The following DNAH8 variants were observed in gnomAD, a reference collection of about 807,000 sequenced individuals.
The protein encoded by DNAH8 is axonemal beta dynein heavy chain 8.
Under a neutral mutation model 562.1 loss-of-function variants are expected in DNAH8, and 382 were observed. The ratio of observed to expected loss-of-function variants is 0.68; its 90% CI spans 0.63 to 0.74. The LOEUF is 0.74. Among genes scored for constraint, DNAH8 ranks in the 30% least tolerant of loss-of-function variants. The pLI, the probability that DNAH8 is intolerant of heterozygous loss-of-function variation, is 0.00. For missense variants in DNAH8, 5,203 were observed against 5,620.4 expected (o/e 0.93, Z 2.37); for synonymous variants, 1,881 against 1,919.4 (o/e 0.98, Z 0.52).
intron 18 of DNAH8, among the ~76,000 whole-genome samples, chr6:38,788,026 T>C (rs569204832): frequency 6.6e-6 from 1 of 152,236 alleles, no homozygotes; most frequent in South Asian, 2.1e-4. Flanking sequence ...TAAATATGAG[T>C]TATAAGATAA....
At chr6:38,988,228 G>A (rs1355143469) in intron 87 of DNAH8, among the ~76,000 whole-genome samples, 1 of 152,132 alleles carries the variant, frequency 6.6e-6, no homozygotes, top group African/African-American at 2.4e-5. Flanking sequence ...TGTTCATGGG[G>A]TATGACCGCT....
chr6:38,744,912 A>G (rs6458068), intron 8 of DNAH8, among the ~76,000 whole-genome samples: 42,611 of 152,026 alleles, frequency 0.28, 7,081 homozygotes, highest in East Asian at 0.73. Context: ...GGAGTCCTTT[A>G]TATAATATGG....
At chr6:39,014,870 G>A (rs1766463387) in intron 91 of DNAH8, among the ~76,000 whole-genome samples, 1 of 152,118 alleles carries the variant, frequency 6.6e-6, no homozygotes, top group South Asian at 2.1e-4. Context: ...CCAAGAGAAG[G>A]CAAGTGAGGG....
chr6:38,784,166 C>A (rs1347560003), intron 17 of DNAH8, among the ~76,000 whole-genome samples: 1 of 152,184 alleles, frequency 6.6e-6, no homozygotes, highest in African/African-American at 2.4e-5. Flanking sequence ...ATCAGGCCAG[C>A]TGTTTCTGGG....
In DNAH8 at chr6:38,899,823, T is replaced by A. The variant is rs763138697; in HGVS notation, c.9111T>A (p.Gly3037=). ...RTSCGNALLV[G]VGGSGKQSLS... ...CGTGTGGAAATGCATTGCTGGTGGG[T>A]GTTGGTGGTTCCGGAAAACAAAGTC... Residue 3037 remains glycine, a synonymous_variant, in exon 62 of 93, where the codon GGT becomes GGA. Coordinates refer to ENST00000327475, the MANE Select transcript of DNAH8 (RefSeq NM_001206927.2). 4.2e-5 allele frequency: 67 copies of A among 1,612,998 alleles called. No individual in the cohort carries two copies. Among genetic ancestry groups the A allele is most frequent in the Non-Finnish European group, 5.7e-5 (67 of 1,179,656 alleles).
rs775111744 is a variant in DNAH8, at chr6:38,873,338, C to T, written c.7582C>T (p.Pro2528Ser). The T allele has an allele frequency of 1.5e-5, 24 of 1,611,566 alleles. No homozygotes were observed. Among genetic ancestry groups the T allele is most frequent in the Non-Finnish European group, 1.9e-5 (22 of 1,179,492 alleles). Reference protein sequence around the residue: ...TYTYMKLNLNPKMQLLECNYI... With the variant: ...TYTYMKLNLNSKMQLLECNYI... ...CACATATATGAAGCTAAATCTCAAT[C>T]CCAAAATGCAGCTCTTGGAGTGCAA... Residue 2528 changes from proline (P) to serine (S), a missense_variant, in exon 52 of 93, where the codon CCC (proline) becomes TCC (serine). Coordinates refer to ENST00000327475, the MANE Select transcript of DNAH8 (RefSeq NM_001206927.2).
rs138868224 is a variant in DNAH8 at position 38,910,200 on chromosome 6, A to G, written c.9740+456A>G. Among the ~76,000 whole-genome samples the G allele has an allele frequency of 7.2e-3, 1,102 of 152,340 alleles. 15 individuals are homozygous for G. The highest frequency in any genetic ancestry group is 0.024 in the African/African-American group (1,015 of 41,582). ...TTAGTCTTACCAATGTTTCTATGCC[A>G]GACAACTATGAAACAAAATATCAAT... On this transcript the variant is annotated intron_variant, in intron 65 of 92. Coordinates refer to ENST00000327475, the MANE Select transcript of DNAH8 (RefSeq NM_001206927.2).
intron 82 of DNAH8, among the ~76,000 whole-genome samples, chr6:38,966,421 C>G (rs1762973557): frequency 6.6e-6 from 1 of 152,146 alleles, no homozygotes; most frequent in South Asian, 2.1e-4. Flanking sequence ...TAAAGAATAG[C>G]ACTAGTTTTT....
chr6:38,748,994 A>T (rs1449844256), intron 8 of DNAH8, among the ~76,000 whole-genome samples: 1 of 152,034 alleles, frequency 6.6e-6, no homozygotes, highest in African/African-American at 2.4e-5. Context: ...TTTTCTCAGC[A>T]TTGACCAGAT....
rs751608819 is a variant in DNAH8 at position 38,815,688 on chromosome 6, C to A, written c.3523+31C>A. 2.6e-6 allele frequency: 4 copies of A among 1,567,018 alleles called. No homozygotes were observed. The South Asian group carries it at 4.6e-5, about 18-fold the overall frequency. ...AATGTAAAATTAGTCAATGATCTTACTGATCCTTTTTGGATTTGATAGCAT... is the reference window on the plus strand; with the variant it reads ...AATGTAAAATTAGTCAATGATCTTAATGATCCTTTTTGGATTTGATAGCAT... On this transcript the variant is annotated intron_variant, in intron 26 of 92. Transcript: ENST00000327475.
chr6:38,944,864 A>T (rs1466229809), intron 79 of DNAH8, among the ~76,000 whole-genome samples: 2 of 152,074 alleles, frequency 1.3e-5, no homozygotes, highest in Non-Finnish European at 2.9e-5. Flanking sequence ...AAACCCATAG[A>T]TCTATTATAT....
chr6:38,974,086 A>T (rs1237582636), intron 84 of DNAH8, among the ~76,000 whole-genome samples: 1 of 152,128 alleles, frequency 6.6e-6, no homozygotes, highest in Non-Finnish European at 1.5e-5. Flanking sequence ...CTTTGCCCCC[A>T]CTTTATGTAC....
At position 38,737,829 on chromosome 6, in the gene DNAH8, G is replaced by T; in HGVS notation, c.973G>T (p.Gly325Ter). The T allele has an allele frequency of 6.5e-7, 1 of 1,547,408 alleles. No individual in the cohort carries two copies. The highest frequency in any genetic ancestry group is 1.3e-5 in the South Asian group (1 of 79,736). Residue 325 changes from glycine (G) to a stop codon, truncating the protein, a stop_gained, in exon 7 of 93, where the codon GGA becomes TGA. Transcript: ENST00000327475. LOFTEE classifies it high-confidence loss of function. Reference sequence around the variant, plus strand: ...TTTAGGTGCTAGAATAAGTATTGAGGGAACAGTGAAGTTAAAGACAATAGA... The same window carrying T: ...TTTAGGTGCTAGAATAAGTATTGAGTGAACAGTGAAGTTAAAGACAATAGA... ...FLDGARISIE[G>*]TVKLKTIDNV...
chr6:38,724,751 A>G (rs1359040364), intron 3 of DNAH8, among the ~76,000 whole-genome samples: 2 of 152,300 alleles, frequency 1.3e-5, no homozygotes, highest in East Asian at 3.9e-4. Flanking sequence ...CAATAAAACT[A>G]CCACTAGGTT....
chr6:38,933,727 A>G (rs1782736528), intron 76 of DNAH8, among the ~76,000 whole-genome samples: 1 of 152,200 alleles, frequency 6.6e-6, no homozygotes. Context: ...TGTAAGTACA[A>G]TGGCAATAAC....
At chr6:38,755,641 A>C (rs910069093) in intron 9 of DNAH8, among the ~76,000 whole-genome samples, 3 of 152,198 alleles carry the variant, frequency 2.0e-5, no homozygotes, top group Non-Finnish European at 4.4e-5. Flanking sequence ...ATGAACTATT[A>C]ACCTTAAAAT....
chr6:38,863,696 A>C (rs1776817556), intron 44 of DNAH8, among the ~76,000 whole-genome samples, 177 bp from the exon 45 acceptor site: 1 of 152,248 alleles, frequency 6.6e-6, no homozygotes, highest in South Asian at 2.1e-4. Flanking sequence ...AAAATATACA[A>C]ATAATTAAAC....
Position 38,898,356 on chromosome 6 carries a change from A to C in DNAH8, c.9039A>C (p.Lys3013Asn). Reference protein sequence around the residue: ...RGTSLDLVFFKDAMTHLIKIS... With the variant: ...RGTSLDLVFFNDAMTHLIKIS... ...CATCTCTTGATCTGGTGTTTTTTAA[A>C]GATGCAATGACTCATCTTATTAAGG... The change falls in exon 61 of 93, where the codon AAA becomes AAC. Residue 3013 changes from lysine to asparagine, a missense_variant. Transcript: ENST00000327475. 1 of 1,584,766 alleles carries C rather than the reference A, an allele frequency of 6.3e-7. No individual in the cohort carries two copies. The highest frequency in any genetic ancestry group is 1.2e-5 in the South Asian group (1 of 83,324).
chr6:38,879,479 A>G (rs1778294752), intron 53 of DNAH8, among the ~76,000 whole-genome samples: 1 of 152,232 alleles, frequency 6.6e-6, no homozygotes, highest in Non-Finnish European at 1.5e-5. Flanking sequence ...AAAACTAAGC[A>G]AGCCATAAAC....
Sources: gnomAD v4.1 joint callset for allele counts (sites outside exome capture counted in the v4.1 genomes callset) on GRCh38, gnomAD v4.1.1 for gene constraint, MANE v1.5 for transcripts, NCBI Gene and HGNC (gene_info 2026-07-23, HGNC 2026-07-21) for gene names.